CLPB: variants seen among roughly 807,000 people sequenced by gnomAD.
The protein encoded by CLPB is ClpB family mitochondrial disaggregase.
Under a neutral mutation model 78.4 loss-of-function variants are expected in CLPB, and 40 were observed. That is an observed-to-expected ratio of 0.51 (90% CI 0.40 to 0.66). CLPB has a LOEUF of 0.66. CLPB is among the 30% of genes least tolerant of loss of function. The probability of loss-of-function intolerance (pLI) is 0.00; values close to 1 mark genes in which losing one functional copy is unlikely to be tolerated. For missense variants in CLPB, 780 were observed against 886.9 expected (o/e 0.88, Z 1.53); for synonymous variants, 333 against 348.0 (o/e 0.96, Z 0.48).
chr11:72,421,429 T>C lies in CLPB; in HGVS notation c.455+8883A>G, dbSNP rs78085621. The stretch of plus-strand genomic sequence containing the variant: ...TCATCAGAGCCGTATCACTGGGGGA[T>C]CAGGGAAGGCTTTCAGGAAGATGTG... On this transcript the variant is annotated intron_variant, in intron 2 of 15. Transcript: ENST00000538039. Among the ~76,000 whole-genome samples, 1,008 of 152,194 alleles carry C rather than the reference T, an allele frequency of 6.6e-3. 11 individuals are homozygous for C. Among genetic ancestry groups the C allele is most frequent in the African/African-American group, 0.023 (965 of 41,526 alleles).
Position 72,434,257 on chromosome 11 carries a change from C to A in CLPB, c.218G>T (p.Arg73Leu), listed in dbSNP as rs756000250. Residue 73 changes from arginine (R) to leucine (L), a missense_variant, in exon 1 of 16, where the codon CGC becomes CTC. Arg to Leu is a moderately radical substitution (Grantham distance 102). Around this residue, in one of 3 missense-constraint regions of CLPB, gnomAD observed 417 missense variants for 414.7 expected, o/e 1.01. Coordinates refer to ENST00000538039, the MANE Select transcript of CLPB (RefSeq NM_001258392.3). ...TTTGGTATCGAAGCGTCCTCCCTGG[C>A]GCCCCCCGGTGGCTGCCCCACGTCC... ...FSGRGAATGG[R>L]QGGRFDTKCL... 5.0e-6 allele frequency: 8 copies of A among 1,613,144 alleles called. No individual in the cohort carries two copies. Among genetic ancestry groups the A allele is most frequent in the Non-Finnish European group, 6.8e-6 (8 of 1,179,918 alleles).
rs932494903 is a variant in CLPB at position 72,321,824 on chromosome 11, G to A, written c.874-4604C>T. Among the ~76,000 whole-genome samples the A allele has an allele frequency of 4.6e-5, 7 of 152,110 alleles. No homozygotes were observed. The East Asian group carries it at 9.6e-4, about 21-fold the overall frequency. On this transcript the variant is annotated intron_variant, in intron 6 of 15. Transcript: ENST00000538039. Reference sequence around the variant, plus strand: ...CCACCTGCTACTCATAGATAAACTCGGGTATGCCCCATACTCCTGAATCCC... The same window carrying A: ...CCACCTGCTACTCATAGATAAACTCAGGTATGCCCCATACTCCTGAATCCC...
intron 1 of CLPB, among the ~76,000 whole-genome samples, chr11:72,432,395 C>T (rs778121939): frequency 1.3e-5 from 2 of 152,150 alleles, no homozygotes; most frequent in African/African-American, 2.4e-5. Flanking sequence ...CTCCCCTTTC[C>T]GTTTCTACTT....
chr11:72,329,790 G>A lies in CLPB; in HGVS notation c.790C>T (p.Gln264Ter), dbSNP rs748911107. Reference sequence around the variant, plus strand: ...GGTGTGTGTCCCATTTCATTCCTCTGCAGGGGGTTGGCTCCTGGCAAGAGA... The same window carrying A: ...GGTGTGTGTCCCATTTCATTCCTCTACAGGGGGTTGGCTCCTGGCAAGAGA... ...ELLDGGANPL[Q>*]RNEMGHTPLD... Residue 264 changes from glutamine (Q) to a stop codon, truncating the protein, a stop_gained, in exon 6 of 16, where the codon CAG becomes TAG. Coordinates refer to ENST00000538039, the MANE Select transcript of CLPB (RefSeq NM_001258392.3). LOFTEE classifies it high-confidence loss of function. The A allele has an allele frequency of 1.9e-6, 3 of 1,613,656 alleles. No individual in the cohort carries two copies. The Admixed American group carries it at 5.0e-5, about 27-fold the overall frequency.
In CLPB at chr11:72,286,979, C is replaced by G. The variant is rs984847521; in HGVS notation, c.*6388G>C. The G allele has an allele frequency of 2.6e-5, 4 of 152,166 alleles. No individual in the cohort carries two copies. The highest frequency in any genetic ancestry group is 9.7e-5 in the African/African-American group (4 of 41,420). The allele number at this position is 152,166 out of a possible 1,614,324, so 9.4% of individuals were successfully genotyped here. A position where few individuals can be genotyped will look rare whatever the true frequency, so the allele number is the denominator to read the frequency against. ...TTTAACAACACTAGCACTCTCTAGA[C>G]ATTTAAATAACATTTAAGTTCTTGA... On this transcript the variant is annotated 3_prime_UTR_variant, in exon 16 of 16. Transcript: ENST00000538039.
chr11:72,347,563 G>C (rs143537737), intron 5 of CLPB, among the ~76,000 whole-genome samples: 27 of 152,324 alleles, frequency 1.8e-4, no homozygotes, highest in African/African-American at 5.5e-4. Flanking sequence ...GATGGGGTGA[G>C]AGTAGACTTT....
At chr11:72,347,004 A>AAAAC (rs1555095686) in intron 5 of CLPB, among the ~76,000 whole-genome samples, 14 of 150,522 alleles carry the variant, frequency 9.3e-5, no homozygotes, top group African/African-American at 3.5e-4. Context: ...AAAAAAAAAA[A>AAAAC]AAAAAAGGTA....
intron 2 of CLPB, among the ~76,000 whole-genome samples, chr11:72,425,745 AC>A (rs34400322): frequency 6.6e-6 from 1 of 151,728 alleles, no homozygotes; most frequent in African/African-American, 2.4e-5. Flanking sequence ...CCCTCTGCAT[AC>A]CCCCCAGGCT....
chr11:72,400,966 T>C (rs536428547), intron 3 of CLPB, among the ~76,000 whole-genome samples: 3 of 152,336 alleles, frequency 2.0e-5, no homozygotes, highest in South Asian at 2.1e-4. Flanking sequence ...TCTCGGATTC[T>C]GCAAACACTA....
chr11:72,297,238 A>C (rs1284931111), intron 11 of CLPB, among the ~76,000 whole-genome samples: 2 of 152,218 alleles, frequency 1.3e-5, no homozygotes, highest in Non-Finnish European at 2.9e-5. Flanking sequence ...TGAGCCAGGG[A>C]TGCTGGGCCC....
intron 4 of CLPB, among the ~76,000 whole-genome samples, chr11:72,376,368 G>A (rs1854698054): frequency 6.6e-6 from 1 of 152,128 alleles, no homozygotes; most frequent in Non-Finnish European, 1.5e-5. Context: ...ACATGGTTAA[G>A]ACGAAGCTAA....
chr11:72,358,460 C>A (rs924948316), intron 5 of CLPB, among the ~76,000 whole-genome samples: 1 of 152,044 alleles, frequency 6.6e-6, no homozygotes, highest in African/African-American at 2.4e-5. Context: ...TCTTTGTGAC[C>A]TGGGTTAGGA....
intron 5 of CLPB, among the ~76,000 whole-genome samples, chr11:72,342,392 T>C (rs1950436886): frequency 6.6e-6 from 1 of 152,210 alleles, no homozygotes; most frequent in African/African-American, 2.4e-5. Context: ...AGAGGTTTTC[T>C]AACGGTGGAT....
intron 2 of CLPB, among the ~76,000 whole-genome samples, chr11:72,407,894 G>A (rs527275227): frequency 5.1e-4 from 77 of 152,008 alleles, no homozygotes; most frequent in Middle Eastern, 6.8e-3. Flanking sequence ...TGATCCACCC[G>A]CCTCAGCCTC....
chr11:72,389,644 T>C (rs1855187863), intron 3 of CLPB, among the ~76,000 whole-genome samples: 1 of 152,164 alleles, frequency 6.6e-6, no homozygotes, highest in South Asian at 2.1e-4. Flanking sequence ...AGCGATTCTC[T>C]GGCTGGCATG....
intron 7 of CLPB, among the ~76,000 whole-genome samples, chr11:72,310,440 T>A (rs963220091): frequency 6.6e-6 from 1 of 152,106 alleles, no homozygotes; most frequent in South Asian, 2.1e-4. Context: ...ACAGACCTCA[T>A]AGGTACCTGA....
intron 5 of CLPB, among the ~76,000 whole-genome samples, chr11:72,342,681 C>G (rs1471253134): frequency 6.6e-6 from 1 of 152,120 alleles, no homozygotes; most frequent in Non-Finnish European, 1.5e-5. Context: ...GAGCCAGGGT[C>G]CTCAGGCCTC....
intron 5 of CLPB, among the ~76,000 whole-genome samples, chr11:72,331,699 G>C (rs1950230895): frequency 6.7e-6 from 1 of 148,484 alleles, no homozygotes; most frequent in African/African-American, 2.5e-5. Flanking sequence ...TCAGCCTCCT[G>C]AATAGCTAGG....
intron 11 of CLPB, among the ~76,000 whole-genome samples, chr11:72,300,052 C>T (rs1237245422): frequency 2.0e-5 from 3 of 152,196 alleles, no homozygotes; most frequent in East Asian, 1.9e-4. Flanking sequence ...CCGTCCCTTG[C>T]GTGCTTCACT....
Sources: gnomAD v4.1 joint callset for allele counts (sites outside exome capture counted in the v4.1 genomes callset) on GRCh38, gnomAD v4.1.1 for gene constraint, gnomAD v4.1.1 regional missense constraint, MANE v1.5 for transcripts, NCBI Gene and HGNC (gene_info 2026-07-23, HGNC 2026-07-21) for gene names.